The following F10 variants were observed in gnomAD, a reference collection of about 807,000 sequenced individuals.
F10 encodes coagulation factor X.
Under a neutral mutation model 37.1 loss-of-function variants are expected in F10, and 29 were observed. The observed-to-expected ratio is 0.78, with a 90% confidence interval of 0.58 to 1.07. The LOEUF (loss-of-function observed/expected upper bound fraction) is 1.07, where lower values mean the gene tolerates loss of function less well. Ranked by LOEUF, F10 falls within the 50% of genes least tolerant of loss-of-function variation. F10 has a pLI of 0.00. For synonymous variants in F10, 262 were observed against 268.6 expected (o/e 0.98, Z 0.24); for missense variants, 539 against 667.9 (o/e 0.81, Z 2.13).
intron 3 of F10, 83 bp downstream of exon 3, chr13:113,138,564 T>A: frequency 1.1e-6 from 1 of 934,998 alleles, no homozygotes. Context: ...TGAATTTCCT[T>A]TCTGCTTTTG....
At chr13:113,145,102 C>A (rs561519866) in intron 6 of F10, among the ~76,000 whole-genome samples, 2 of 152,136 alleles carry the variant, frequency 1.3e-5, no homozygotes, top group Admixed American at 6.5e-5. Flanking sequence ...GGATGGTCTC[C>A]ATCTCCTGAC....
chr13:113,145,753 G>A (rs1349973873), intron 6 of F10, among the ~76,000 whole-genome samples: 1 of 152,140 alleles, frequency 6.6e-6, no homozygotes, highest in Non-Finnish European at 1.5e-5. Context: ...CAAGCAAAAG[G>A]GGTTTCCCCT....
At chr13:113,128,524 A>C (rs1055176626) in intron 1 of F10, 18 of 152,210 alleles carry the variant, frequency 1.2e-4, no homozygotes, top group African/African-American at 3.6e-4. Flanking sequence ...CCACCCTTAG[A>C]GGGAATAGAT....
At chr13:113,127,424 GA>G (rs34440130) in intron 1 of F10, among the ~76,000 whole-genome samples, 1 of 151,990 alleles carries the variant, frequency 6.6e-6, no homozygotes, top group Non-Finnish European at 1.5e-5. Context: ...TTTTTCAGTG[GA>G]AAAAAAGCAC....
chr13:113,142,420 C>G (rs1455180103), intron 5 of F10, among the ~76,000 whole-genome samples: 1 of 148,340 alleles, frequency 6.7e-6, no homozygotes, highest in Non-Finnish European at 1.5e-5. Context: ...CATGGTGGTG[C>G]ACGCCTGTAG....
chr13:113,143,740 C>T lies in F10; in HGVS notation c.503-111C>T. On this transcript the variant is annotated intron_variant, in intron 5 of 7. Transcript: ENST00000375559. This position sits in a 1 kb window ranked among gnomAD's most constrained non-coding sequence, Gnocchi z 6.8. ...TGCAAGCCCGCTGCCCCTCCGGGTGCCCCTGCGCTCTGCCTCCCGGCTCTC... is the reference window on the plus strand; with the variant it reads ...TGCAAGCCCGCTGCCCCTCCGGGTGTCCCTGCGCTCTGCCTCCCGGCTCTC... 1 of 1,511,260 alleles carries T rather than the reference C, an allele frequency of 6.6e-7. No individual in the cohort carries two copies. The highest frequency in any genetic ancestry group is 8.9e-7 in the Non-Finnish European group (1 of 1,118,898). The allele number at this position is 1,511,260 out of a possible 1,614,324, so 93.6% of individuals were successfully genotyped here.
chr13:113,129,356 G>A, intron 1 of F10, 96 bp from the exon 2 acceptor site: 1 of 1,494,142 alleles, frequency 6.7e-7, no homozygotes, highest in Non-Finnish European at 9.3e-7. Flanking sequence ...TTGTGATCTG[G>A]ATATGGCAAG....
chr13:113,137,745 C>CT (rs1179075478), intron 2 of F10, among the ~76,000 whole-genome samples: 4 of 152,278 alleles, frequency 2.6e-5, no homozygotes, highest in Non-Finnish European at 5.9e-5. Context: ...GCTCCTGTCT[C>CT]TGCTTTCATC....
intron 2 of F10, among the ~76,000 whole-genome samples, chr13:113,137,394 A>T (rs2036488873): frequency 6.6e-6 from 1 of 152,094 alleles, no homozygotes. Context: ...GGAAGGATGG[A>T]CCTGTACTGC....
rs1307021985 is a variant in F10 at position 113,122,925 on chromosome 13, C to T, written c.70C>T (p.Leu24=). 22 of 1,609,408 alleles carry T rather than the reference C, an allele frequency of 1.4e-5. No individual in the cohort carries two copies. Among genetic ancestry groups the T allele is most frequent in the East Asian group, 2.2e-5 (1 of 44,878 alleles). The change falls in exon 1 of 8, where the codon CTG becomes TTG. Residue 24 remains leucine (L), a splice_region_variant and synonymous_variant. Transcript: ENST00000375559. ...TGGCCTCCTGCTGCTCGGGGAAAGT[C>T]GTAAGTGCCCCTCGCCCTTCAGACC... ...LAGLLLLGES[L]FIRREQANNI... is the part of the protein sequence containing the mutation.
At position 113,143,538 on chromosome 13, in the gene F10, C is replaced by G. The variant is rs1011450953; in HGVS notation, c.503-313C>G. On this transcript the variant is annotated intron_variant, in intron 5 of 7. Transcript: ENST00000375559. This position sits in a 1 kb window ranked among gnomAD's most constrained non-coding sequence, Gnocchi z 6.8. ...CGTTTGTCTCTGTCCATCCGTCAAG[C>G]TTTCTTGACTTCTTGGTGCATTTTC... Among the ~76,000 whole-genome samples, 7 of 152,182 alleles carry G rather than the reference C, an allele frequency of 4.6e-5. No homozygotes were observed. Among genetic ancestry groups the G allele is most frequent in the African/African-American group, 1.7e-4 (7 of 41,434 alleles).
At chr13:113,123,823 C>T (rs2036344290) in intron 1 of F10, among the ~76,000 whole-genome samples, 1 of 152,146 alleles carries the variant, frequency 6.6e-6, no homozygotes, top group Non-Finnish European at 1.5e-5. Context: ...CCCTCAACCC[C>T]CTGCCCTCCC....
intron 1 of F10, among the ~76,000 whole-genome samples, chr13:113,123,793 C>T (rs1402128025): frequency 2.6e-5 from 4 of 152,140 alleles, no homozygotes; most frequent in Admixed American, 6.5e-5. Flanking sequence ...TCACATCACA[C>T]GGGGGTCTTC....
intron 1 of F10, among the ~76,000 whole-genome samples, chr13:113,124,297 T>G (rs920936136): frequency 8.5e-5 from 13 of 152,242 alleles, no homozygotes; most frequent in Admixed American, 7.2e-4. Context: ...AGGAGGAAAC[T>G]AGGGGAGTTA....
At chr13:113,145,039 C>T (rs1435410317) in intron 6 of F10, among the ~76,000 whole-genome samples, 1 of 152,162 alleles carries the variant, frequency 6.6e-6, no homozygotes, top group Non-Finnish European at 1.5e-5. Flanking sequence ...CCACCACGCC[C>T]AGCTAATTTT....
At position 113,141,593 on chromosome 13, in the gene F10, G is replaced by C. The variant is rs2138544733; in HGVS notation, c.502+543G>C. Among the ~76,000 whole-genome samples the C allele has an allele frequency of 6.6e-6, 1 of 152,348 alleles. No individual in the cohort carries two copies. Among genetic ancestry groups the C allele is most frequent in the South Asian group, 2.1e-4 (1 of 4,822 alleles). ...GATGAATGTGGACAACAGGCGGCCA[G>C]AGGGCAGTGAGCACAGGACAGGCAG... On this transcript the variant is annotated intron_variant, in intron 5 of 7. Transcript: ENST00000375559. This position sits in a 1 kb window ranked among gnomAD's most constrained non-coding sequence, Gnocchi z 5.4.
In F10 at chr13:113,143,705, GGC is replaced by G; in HGVS notation, c.503-145_503-144del. 5.0e-6 allele frequency: 6 copies of G among 1,193,576 alleles called. No homozygotes were observed. In the Admixed American group the frequency reaches 7.2e-5, roughly 14 times the overall value. The allele number at this position is 1,193,576 out of a possible 1,614,324, so 73.9% of individuals were successfully genotyped here. ...GATCCGACCCCTGCCGACGACGTGGGGCCTCGCCCTGCAAGCCCGCTGCCCCT... is the reference window on the plus strand; with the variant it reads ...GATCCGACCCCTGCCGACGACGTGGGCTCGCCCTGCAAGCCCGCTGCCCCT... On this transcript the variant is annotated intron_variant, in intron 5 of 7. Coordinates refer to ENST00000375559, the MANE Select transcript of F10 (RefSeq NM_000504.4). This position sits in a 1 kb window ranked among gnomAD's most constrained non-coding sequence, Gnocchi z 6.8.
intron 4 of F10, among the ~76,000 whole-genome samples, chr13:113,140,135 A>G (rs1173775203): frequency 2.8e-5 from 4 of 141,610 alleles, no homozygotes; most frequent in African/African-American, 5.2e-5. Context: ...GTGCAGTGGC[A>G]CGATCTCAGC....
At chr13:113,124,758 G>T (rs571405260) in intron 1 of F10, among the ~76,000 whole-genome samples, 1 of 152,260 alleles carries the variant, frequency 6.6e-6, no homozygotes, top group Non-Finnish European at 1.5e-5. Context: ...TACAAGAAAG[G>T]ACAATGGACC....
Sources: allele counts gnomAD v4.1 joint callset (sites outside exome capture counted in the v4.1 genomes callset), GRCh38; gene constraint gnomAD v4.1.1; non-coding constraint Gnocchi (gnomAD v3.1); transcripts MANE v1.5; gene names NCBI Gene and HGNC (gene_info 2026-07-23, HGNC 2026-07-21).